NCDN: variants seen among roughly 807,000 people sequenced by gnomAD.
The protein encoded by NCDN is neurochondrin, also known as norbin.
Under a neutral mutation model 60.7 loss-of-function variants are expected in NCDN, and 9 were observed. That is an observed-to-expected ratio of 0.15 (90% CI 0.09 to 0.26). The LOEUF is 0.26. NCDN is among the 10% of genes least tolerant of loss of function. NCDN has a pLI of 1.00. For missense variants in NCDN, 578 were observed against 975.2 expected (o/e 0.59, Z 5.42); for synonymous variants, 409 against 442.5 (o/e 0.92, Z 0.95).
Position 35,563,525 on chromosome 1 carries a change from ATGGATTTGTTAG to A in NCDN, c.1610+103_1610+114del, listed in dbSNP as rs1648773487. On this transcript the variant is annotated intron_variant, in intron 5 of 6. Transcript: ENST00000373243. The surrounding 1 kb of genome is among the most constrained non-coding windows in gnomAD (Gnocchi z 6.6). ...GTCTCCTACTTTGCCCCCCATGCCC[ATGGATTTGTTAG>A]TGGTAGCATGGGGGTCTCAGAGTAG... The A allele has an allele frequency of 7.3e-7, 1 of 1,361,738 alleles. No individual in the cohort carries two copies. Among genetic ancestry groups the A allele is most frequent in the East Asian group, 2.3e-5 (1 of 42,656 alleles). 84.4% of individuals were successfully genotyped at this position (1,361,738 alleles called of 1,614,324 possible). A position where few individuals can be genotyped will look rare whatever the true frequency, so the allele number is the denominator to read the frequency against.
At position 35,558,450 on chromosome 1, in the gene NCDN, T is replaced by TGCA; in HGVS notation, c.33+230_33+232dup. On this transcript the variant is annotated intron_variant, in intron 1 of 6. Transcript: ENST00000373243. This position sits in a 1 kb window ranked among gnomAD's most constrained non-coding sequence, Gnocchi z 6.3. ...CTGCCGCCGCCGCTGCTGCTGCTGC[T>TGCA]GCAGCCTCTACCCGAGGGAGGGAAA... is the stretch of plus-strand genomic sequence containing the variant. 7.0e-7 allele frequency: 1 copy of TGCA among 1,419,014 alleles called. No homozygotes were observed. The highest frequency in any genetic ancestry group is 9.2e-7 in the Non-Finnish European group (1 of 1,088,844). The allele number at this position is 1,419,014 out of a possible 1,614,324, so 87.9% of individuals were successfully genotyped here. A position where few individuals can be genotyped will look rare whatever the true frequency, so the allele number is the denominator to read the frequency against.
At position 35,566,629 on chromosome 1, in the gene NCDN, C is replaced by CCCCACACACA. The variant is rs1369997656; in HGVS notation, c.*967_*968insCCACACACAC. 1 of 262,682 alleles carries CCCCACACACA rather than the reference C, an allele frequency of 3.8e-6. No individual in the cohort carries two copies. The allele number at this position is 262,682 out of a possible 1,614,324, so 16.3% of individuals were successfully genotyped here. On this transcript the variant is annotated 3_prime_UTR_variant, in exon 7 of 7. Coordinates refer to ENST00000373243, the MANE Select transcript of NCDN (RefSeq NM_014284.3). The surrounding 1 kb of genome is among the most constrained non-coding windows in gnomAD (Gnocchi z 5.3). ...TACCTTTCTTATAAACCCAGGGGGA[C>CCCCACACACA]CACACACACACACACACACACACAC...
At position 35,563,049 on chromosome 1, in the gene NCDN, C is replaced by T. The variant is rs77410514; in HGVS notation, c.1386-153C>T. Among the ~76,000 whole-genome samples, 930 of 152,288 alleles carry T rather than the reference C, an allele frequency of 6.1e-3. 14 individuals carry two copies. Among genetic ancestry groups the T allele is most frequent in the African/African-American group, 0.018 (765 of 41,564 alleles). On this transcript the variant is annotated intron_variant, in intron 4 of 6. Coordinates refer to ENST00000373243, the MANE Select transcript of NCDN (RefSeq NM_014284.3). The surrounding 1 kb of genome is among the most constrained non-coding windows in gnomAD (Gnocchi z 6.6). ...AGCCCAAGTTTGGTCCTGGGTTGTG[C>T]GACTCTGAAGCTTGTACTTTTTCTG... is the stretch of plus-strand genomic sequence containing the variant.
rs1392411224 is a variant in NCDN at position 35,565,317 on chromosome 1, C to T, written c.1844C>T (p.Ser615Leu). The T allele has an allele frequency of 1.2e-6, 2 of 1,613,936 alleles. No homozygotes were observed. Among genetic ancestry groups the T allele is most frequent in the Non-Finnish European group, 1.7e-6 (2 of 1,179,944 alleles). The change falls in exon 7 of 7, where the codon TCA (serine) becomes TTA (leucine). Residue 615 changes from serine (S) to leucine (L), a missense_variant. Physicochemically the swap from Ser to Leu is moderately radical, Grantham distance 145. This residue lies in a region of NCDN where 191 missense variants were observed against 372.1 expected (regional missense o/e 0.51). Transcript: ENST00000373243. This position sits in a 1 kb window ranked among gnomAD's most constrained non-coding sequence, Gnocchi z 8.9. ...QSHVARATPG[S>L]DQAVLALSPE... ...CACGTGGCGCGGGCCACCCCGGGCT[C>T]AGACCAGGCAGTGCTAGCCCTGTCC...
At position 35,565,205 on chromosome 1, in the gene NCDN, C is replaced by T. The variant is rs779241250; in HGVS notation, c.1754-22C>T. ...CAGCTGGCCTGTCCGATTCATGCCC[C>T]ACTCCTTCCGTTACCTTGCAGCTCT... On this transcript the variant is annotated intron_variant, in intron 6 of 6. Transcript: ENST00000373243. The surrounding 1 kb of genome is among the most constrained non-coding windows in gnomAD (Gnocchi z 8.9). 1 of 1,581,558 alleles carries T rather than the reference C, an allele frequency of 6.3e-7. No homozygotes were observed. Among genetic ancestry groups the T allele is most frequent in the African/African-American group, 1.3e-5 (1 of 74,554 alleles).
chr1:35,566,589 G>A lies in NCDN; in HGVS notation c.*926G>A, dbSNP rs992869885. ...TCCTCTCTGCAGAGACGCGACTGGC[G>A]GCTCCAGCAGGGACTACCTTTCTTA... On this transcript the variant is annotated 3_prime_UTR_variant, in exon 7 of 7. Transcript: ENST00000373243. The surrounding 1 kb of genome is among the most constrained non-coding windows in gnomAD (Gnocchi z 5.3). 15 of 350,764 alleles carry A rather than the reference G, an allele frequency of 4.3e-5. No homozygotes were observed. The highest frequency in any genetic ancestry group is 1.1e-4 in the Admixed American group (3 of 27,914). 21.7% of individuals were successfully genotyped at this position (350,764 alleles called of 1,614,324 possible). A position where few individuals can be genotyped will look rare whatever the true frequency, so the allele number is the denominator to read the frequency against.
chr1:35,565,525 G>A lies in NCDN; in HGVS notation c.2052G>A (p.Val684=), dbSNP rs1289833421. The change falls in exon 7 of 7, where the codon GTG becomes GTA. Residue 684 remains valine (V), a synonymous_variant. Transcript: ENST00000373243. The surrounding 1 kb of genome is among the most constrained non-coding windows in gnomAD (Gnocchi z 8.9). ...CCAACTCTGTCAAGCCCGAGATGGT[G>A]GCCGCCTATCAGGGTGTCCTGGTGG... ...VSPNSVKPEM[V]AAYQGVLVEL... The A allele has an allele frequency of 3.2e-6, 5 of 1,572,592 alleles. No homozygotes were observed. The African/African-American group carries it at 6.8e-5, about 21-fold the overall frequency.
Position 35,559,096 on chromosome 1 carries a change from T to C in NCDN, c.34-11T>C, listed in dbSNP as rs1395452140. On this transcript the variant is annotated splice_polypyrimidine_tract_variant and intron_variant, in intron 1 of 6. Coordinates refer to ENST00000373243, the MANE Select transcript of NCDN (RefSeq NM_014284.3). ...CTGCAGAGGGATGCTCAGTCCCTCT[T>C]GTGTTCACAGTTGGGCAAGGCGAGC... The C allele has an allele frequency of 1.3e-6, 2 of 1,514,948 alleles. No individual in the cohort carries two copies. Among genetic ancestry groups the C allele is most frequent in the African/African-American group, 2.8e-5 (2 of 71,024 alleles). 93.8% of individuals were successfully genotyped at this position (1,514,948 alleles called of 1,614,324 possible).
rs1648613451 is a variant in NCDN at position 35,559,370 on chromosome 1, G to C, written c.174+123G>C. Reference sequence around the variant, plus strand: ...TAGCAACCCTGGAGGCACCAACGAAGGCCCAAGACCCCTACCTTTGTGCTC... The same window carrying C: ...TAGCAACCCTGGAGGCACCAACGAACGCCCAAGACCCCTACCTTTGTGCTC... On this transcript the variant is annotated intron_variant, in intron 2 of 6. Coordinates refer to ENST00000373243, the MANE Select transcript of NCDN (RefSeq NM_014284.3). The C allele has an allele frequency of 2.4e-6, 3 of 1,264,328 alleles. No homozygotes were observed. The South Asian group carries it at 4.1e-5, about 17-fold the overall frequency. The allele number at this position is 1,264,328 out of a possible 1,614,324, so 78.3% of individuals were successfully genotyped here.
chr1:35,562,489 T>C lies in NCDN; in HGVS notation c.1241T>C (p.Val414Ala). Residue 414 changes from valine to alanine, a missense_variant, in exon 4 of 7, where the codon GTG (valine) becomes GCG (alanine). Transcript: ENST00000373243. This position sits in a 1 kb window ranked among gnomAD's most constrained non-coding sequence, Gnocchi z 6.8. The part of the protein sequence containing the change: ...AEETSSLRKE[V>A]CQLLPFLVRY... ...GAGACCTCATCCTTGCGTAAGGAGG[T>C]GTGCCAGCTGCTGCCCTTCCTCGTC... The C allele has an allele frequency of 6.2e-7, 1 of 1,613,972 alleles. No individual in the cohort carries two copies. Among genetic ancestry groups the C allele is most frequent in the East Asian group, 2.2e-5 (1 of 44,872 alleles).
In NCDN at chr1:35,562,890, T is replaced by C. The variant is rs142948372; in HGVS notation, c.1385+257T>C. The stretch of plus-strand genomic sequence containing the variant: ...ACCTACTACGAGCCAGGTATTTTGC[T>C]ATACCCTTTACCAAAATGATCTCAT... On this transcript the variant is annotated intron_variant, in intron 4 of 6. Transcript: ENST00000373243. This position sits in a 1 kb window ranked among gnomAD's most constrained non-coding sequence, Gnocchi z 6.8. 2.3e-4 allele frequency among the ~76,000 whole-genome samples: 35 copies of C among 152,350 alleles called. No individual in the cohort carries two copies. The highest frequency in any genetic ancestry group is 1.5e-3 in the East Asian group (8 of 5,190).
rs769495645 is a variant in NCDN at position 35,560,923 on chromosome 1, T to C, written c.772T>C (p.Tyr258His). 6.2e-7 allele frequency: 1 copy of C among 1,613,822 alleles called. No individual in the cohort carries two copies. The highest frequency in any genetic ancestry group is 1.3e-5 in the African/African-American group (1 of 74,932). Residue 258 changes from tyrosine to histidine, a missense_variant, in exon 3 of 7, where the codon TAC becomes CAC. Physicochemically the swap from Tyr to His is moderately conservative, Grantham distance 83 (BLOSUM62 2). Around this residue, in one of 3 missense-constraint regions of NCDN, gnomAD observed 363 missense variants for 583.6 expected, o/e 0.62. Coordinates refer to ENST00000373243, the MANE Select transcript of NCDN (RefSeq NM_014284.3). This position sits in a 1 kb window ranked among gnomAD's most constrained non-coding sequence, Gnocchi z 7.6. ...CCCGACAACCGTGCCCCCTGAATGC[T>C]ACCGGGATCTGCAGGCCGGGCTGGC... ...LPPTTVPPEC[Y>H]RDLQAGLARI...
At position 35,560,792 on chromosome 1, in the gene NCDN, C is replaced by T. The variant is rs1183459050; in HGVS notation, c.641C>T (p.Ala214Val). Residue 214 changes from alanine to valine, a missense_variant, in exon 3 of 7, where the codon GCG becomes GTG. Ala to Val is a moderately conservative substitution (Grantham distance 64). This residue lies in a region of NCDN where 363 missense variants were observed against 583.6 expected (regional missense o/e 0.62). Transcript: ENST00000373243. This position sits in a 1 kb window ranked among gnomAD's most constrained non-coding sequence, Gnocchi z 7.6. ...GCCGAGACACAGTGCTGGAAGGAGG[C>T]GGAGCCCGACCTGCTGGCCGTGTTG... ...AAAETQCWKE[A>V]EPDLLAVLRG... 3 of 1,613,346 alleles carry T rather than the reference C, an allele frequency of 1.9e-6. No homozygotes were observed. The highest frequency in any genetic ancestry group is 2.5e-6 in the Non-Finnish European group (3 of 1,179,984).
rs944514328 is a variant in NCDN at position 35,559,367 on chromosome 1, G to A, written c.174+120G>A. 6.2e-6 allele frequency: 8 copies of A among 1,282,602 alleles called. No homozygotes were observed. The East Asian group carries it at 1.2e-4, about 19-fold the overall frequency. 79.5% of individuals were successfully genotyped at this position (1,282,602 alleles called of 1,614,324 possible). On this transcript the variant is annotated intron_variant, in intron 2 of 6. Coordinates refer to ENST00000373243, the MANE Select transcript of NCDN (RefSeq NM_014284.3). ...TGCTAGCAACCCTGGAGGCACCAAC[G>A]AAGGCCCAAGACCCCTACCTTTGTG...
rs141059349 is a variant in NCDN at position 35,560,799 on chromosome 1, C to T, written c.648C>T (p.Pro216=). 23 of 1,613,488 alleles carry T rather than the reference C, an allele frequency of 1.4e-5. No homozygotes were observed. Among genetic ancestry groups the T allele is most frequent in the African/African-American group, 5.3e-5 (4 of 74,934 alleles). The change falls in exon 3 of 7, where the codon CCC becomes CCT. Residue 216 remains proline, a synonymous_variant. Coordinates refer to ENST00000373243, the MANE Select transcript of NCDN (RefSeq NM_014284.3). The surrounding 1 kb of genome is among the most constrained non-coding windows in gnomAD (Gnocchi z 7.6). ...CACAGTGCTGGAAGGAGGCGGAGCC[C>T]GACCTGCTGGCCGTGTTGCGGGGCC... The part of the protein sequence containing the change: ...AETQCWKEAE[P]DLLAVLRGLS...
Position 35,558,514 on chromosome 1 carries a change from C to A in NCDN, c.33+291C>A. The A allele has an allele frequency of 7.3e-7, 1 of 1,368,020 alleles. No individual in the cohort carries two copies. Among genetic ancestry groups the A allele is most frequent in the Non-Finnish European group, 9.4e-7 (1 of 1,061,034 alleles). 84.7% of individuals were successfully genotyped at this position (1,368,020 alleles called of 1,614,324 possible). ...GGAGCCTGCGGGGGCGACTGAGAGC[C>A]CTGGCTGGAGGGGTGGGGTCCCCAA... On this transcript the variant is annotated intron_variant, in intron 1 of 6. Coordinates refer to ENST00000373243, the MANE Select transcript of NCDN (RefSeq NM_014284.3). This position sits in a 1 kb window ranked among gnomAD's most constrained non-coding sequence, Gnocchi z 6.3.
At position 35,563,666 on chromosome 1, in the gene NCDN, G is replaced by A; in HGVS notation, c.1611-101G>A. 7.0e-7 allele frequency: 1 copy of A among 1,437,400 alleles called. No individual in the cohort carries two copies. The highest frequency in any genetic ancestry group is 9.5e-7 in the Non-Finnish European group (1 of 1,048,360). The allele number at this position is 1,437,400 out of a possible 1,614,324, so 89.0% of individuals were successfully genotyped here. A position where few individuals can be genotyped will look rare whatever the true frequency, so the allele number is the denominator to read the frequency against. On this transcript the variant is annotated intron_variant, in intron 5 of 6. Coordinates refer to ENST00000373243, the MANE Select transcript of NCDN (RefSeq NM_014284.3). This position sits in a 1 kb window ranked among gnomAD's most constrained non-coding sequence, Gnocchi z 6.6. ...CTGCCCCCCAGATGCTATGTTTGGGGCCCAAAGTTAATCACCCTACTGCCT... is the reference window on the plus strand; with the variant it reads ...CTGCCCCCCAGATGCTATGTTTGGGACCCAAAGTTAATCACCCTACTGCCT...
chr1:35,558,663 C>G lies in NCDN; in HGVS notation c.33+440C>G. 8.8e-7 allele frequency: 1 copy of G among 1,137,344 alleles called. No individual in the cohort carries two copies. Among genetic ancestry groups the G allele is most frequent in the South Asian group, 2.8e-5 (1 of 35,956 alleles). The allele number at this position is 1,137,344 out of a possible 1,614,324, so 70.5% of individuals were successfully genotyped here. On this transcript the variant is annotated intron_variant, in intron 1 of 6. Coordinates refer to ENST00000373243, the MANE Select transcript of NCDN (RefSeq NM_014284.3). The surrounding 1 kb of genome is among the most constrained non-coding windows in gnomAD (Gnocchi z 6.3). ...CCTTTTCTCCCATGTCAGCCTGAGTCCGGATAATCGAACTTCACCCATGTA... is the reference window on the plus strand; with the variant it reads ...CCTTTTCTCCCATGTCAGCCTGAGTGCGGATAATCGAACTTCACCCATGTA...
Position 35,557,800 on chromosome 1 carries a change from G to A in NCDN, c.-391G>A. 5.9e-6 allele frequency: 3 copies of A among 512,444 alleles called. No homozygotes were observed. The highest frequency in any genetic ancestry group is 1.5e-5 in the South Asian group (1 of 64,980). 31.7% of individuals were successfully genotyped at this position (512,444 alleles called of 1,614,324 possible). ...GAGCTGCAGCAGCCTGGAGCCAGGA[G>A]TGGGCAACGCGGCGTGAGCAGCGGC... On this transcript the variant is annotated 5_prime_UTR_variant, in exon 1 of 7. In the 5' UTR this introduces an upstream ATG that the reference lacks. Coordinates refer to ENST00000373243, the MANE Select transcript of NCDN (RefSeq NM_014284.3).
Sources: allele counts gnomAD v4.1 joint callset (sites outside exome capture counted in the v4.1 genomes callset), GRCh38; gene constraint gnomAD v4.1.1; regional missense constraint gnomAD v4.1.1; non-coding constraint Gnocchi (gnomAD v3.1); transcripts MANE v1.5; gene names NCBI Gene and HGNC (gene_info 2026-07-23, HGNC 2026-07-21).